The following PSIP1 variants were observed in gnomAD, a reference collection of about 807,000 sequenced individuals.
PSIP1 encodes PC4 and SFRS1-interacting protein.
PSIP1 carries 19 observed loss-of-function variants against 74.7 expected under a neutral mutation model. The observed-to-expected ratio is 0.25, with a 90% CI of 0.18 to 0.37. The LOEUF (loss-of-function observed/expected upper bound fraction) is 0.37, where lower values mean the gene tolerates loss of function less well. Ranked by LOEUF, PSIP1 falls within the 10% of genes least tolerant of loss-of-function variation. The pLI, the probability that PSIP1 is intolerant of heterozygous loss-of-function variation, is 1.00. For missense variants in PSIP1, 601 were observed against 614.3 expected (o/e 0.98, Z 0.23); for synonymous variants, 222 against 195.3 (o/e 1.14, Z -1.14).
intron 6 of PSIP1, among the ~76,000 whole-genome samples, chr9:15,480,607 T>C (rs1296684095): frequency 6.6e-6 from 1 of 152,208 alleles, no homozygotes; most frequent in Admixed American, 6.5e-5. Context: ...TGAATGAGTA[T>C]TGGCAATATA....
intron 2 of PSIP1, among the ~76,000 whole-genome samples, chr9:15,507,880 A>G (rs186913157): frequency 8.5e-5 from 13 of 152,236 alleles, no homozygotes; most frequent in East Asian, 7.7e-4. Flanking sequence ...TTACCACCCA[A>G]TATCTCTAGG....
Position 15,490,136 on chromosome 9 carries a change from G to T in PSIP1, c.150-12C>A. ...GTCCTAAAAAAGCACTAAAAAAGAAGTGGGGAAGATGTGAGTGCAAAGCAA... is the reference window on the plus strand; with the variant it reads ...GTCCTAAAAAAGCACTAAAAAAGAATTGGGGAAGATGTGAGTGCAAAGCAA... On this transcript the variant is annotated splice_polypyrimidine_tract_variant and intron_variant, in intron 3 of 15. Transcript: ENST00000380733. 1 of 1,570,366 alleles carries T rather than the reference G, an allele frequency of 6.4e-7. No homozygotes were observed. The highest frequency in any genetic ancestry group is 8.6e-7 in the Non-Finnish European group (1 of 1,163,462).
intron 8 of PSIP1, among the ~76,000 whole-genome samples, chr9:15,476,032 A>T (rs995096890): frequency 2.0e-5 from 3 of 152,104 alleles, no homozygotes; most frequent in Admixed American, 1.3e-4. Flanking sequence ...CGTGACAAAG[A>T]AGTAGACGCT....
intron 13 of PSIP1, 41 bp downstream of exon 13, chr9:15,468,916 T>TGA: frequency 1.2e-6 from 2 of 1,605,534 alleles, no homozygotes; most frequent in Non-Finnish European, 1.7e-6. Context: ...AATGAAGTAA[T>TGA]GACAAAATTC....
Position 15,485,989 on chromosome 9 carries a change from T to A in PSIP1, c.456+17A>T. On this transcript the variant is annotated intron_variant, in intron 6 of 15. Coordinates refer to ENST00000380733, the MANE Select transcript of PSIP1 (RefSeq NM_033222.5). ...ATTCTTTTCAGATCCCCATGGTTGG[T>A]AAGTCAGTGAAATTACCTTTCTCTT... The A allele has an allele frequency of 6.3e-7, 1 of 1,585,564 alleles. No individual in the cohort carries two copies. Among genetic ancestry groups the A allele is most frequent in the South Asian group, 1.1e-5 (1 of 89,668 alleles).
At chr9:15,490,902 A>G (rs1355642742) in intron 3 of PSIP1, among the ~76,000 whole-genome samples, 1 of 152,148 alleles carries the variant, frequency 6.6e-6, no homozygotes, top group African/African-American at 2.4e-5. Context: ...AGGGAATCAG[A>G]CATATTATAA....
At chr9:15,498,863 C>T (rs1204394402) in intron 3 of PSIP1, among the ~76,000 whole-genome samples, 1 of 151,858 alleles carries the variant, frequency 6.6e-6, no homozygotes, top group East Asian at 1.9e-4. Context: ...TAACTATATA[C>T]GACAGAAGCT....
At chr9:15,488,549 A>G (rs2036660519) in intron 4 of PSIP1, among the ~76,000 whole-genome samples, 1 of 152,190 alleles carries the variant, frequency 6.6e-6, no homozygotes, top group African/African-American at 2.4e-5. Context: ...TTAAATCGTA[A>G]GAGTTCTGGA....
chr9:15,482,405 A>T (rs967491928), intron 6 of PSIP1, among the ~76,000 whole-genome samples: 1 of 152,070 alleles, frequency 6.6e-6, no homozygotes, highest in Non-Finnish European at 1.5e-5. Flanking sequence ...TAATTTACTC[A>T]ATCTATTCTT....
intron 7 of PSIP1, among the ~76,000 whole-genome samples, chr9:15,478,776 CTTA>C (rs1263712508): frequency 1.3e-5 from 2 of 152,026 alleles, no homozygotes; most frequent in South Asian, 2.1e-4. Flanking sequence ...TCAATTTGTC[CTTA>C]TTATGACTGA....
At chr9:15,468,348 C>G (rs753804414) in intron 14 of PSIP1, 1 of 628,008 alleles carries the variant, frequency 1.6e-6, no homozygotes, top group South Asian at 1.4e-5. Flanking sequence ...GATTAGGAGG[C>G]ATTGTGATGG....
Position 15,469,363 on chromosome 9 carries a change from G to A in PSIP1, c.1034-27C>T, listed in dbSNP as rs759746541. The A allele has an allele frequency of 3.4e-6, 5 of 1,450,342 alleles. No individual in the cohort carries two copies. In the South Asian group the frequency reaches 6.2e-5, roughly 18 times the overall value. 89.8% of individuals were successfully genotyped at this position (1,450,342 alleles called of 1,614,324 possible). ...TACAAATTAAAATATGTGAAAAACA[G>A]TGAACAGTTTTTCCAAAACCAGTAT... On this transcript the variant is annotated intron_variant, in intron 11 of 15. Coordinates refer to ENST00000380733, the MANE Select transcript of PSIP1 (RefSeq NM_033222.5).
At chr9:15,510,767 G>A (rs2037833684) in intron 1 of PSIP1, 50 bp downstream of exon 1, 1 of 151,870 alleles carries the variant, frequency 6.6e-6, no homozygotes, top group Non-Finnish European at 1.5e-5. Flanking sequence ...CTACAGCCAG[G>A]AGCGACGCCA....
chr9:15,508,057 C>T (rs780002239), intron 2 of PSIP1, among the ~76,000 whole-genome samples: 3 of 152,188 alleles, frequency 2.0e-5, no homozygotes, highest in Non-Finnish European at 4.4e-5. Context: ...ATGCAAATAC[C>T]TAGCACCTAT....
At chr9:15,483,127 G>T (rs1365453508) in intron 6 of PSIP1, among the ~76,000 whole-genome samples, 1 of 151,934 alleles carries the variant, frequency 6.6e-6, no homozygotes, top group African/African-American at 2.4e-5. Flanking sequence ...GTTCTCCTTT[G>T]ACCTCATCTA....
chr9:15,501,522 C>G (rs1286659952), intron 3 of PSIP1, among the ~76,000 whole-genome samples: 1 of 151,860 alleles, frequency 6.6e-6, no homozygotes, highest in African/African-American at 2.4e-5. Flanking sequence ...AAACAAAAGA[C>G]CTGAGATAAG....
In PSIP1 at chr9:15,465,564, T is replaced by C; in HGVS notation, c.1549A>G (p.Arg517Gly). The change falls in exon 16 of 16, where the codon AGA (arginine) becomes GGA (glycine). Residue 517 changes from arginine (R) to glycine (G), a missense_variant. By Grantham distance (125) the Arg-to-Gly change is moderately radical (BLOSUM62 -2). This residue lies in a region of PSIP1 where 538 missense variants were observed against 507.6 expected (regional missense o/e 1.06). Transcript: ENST00000380733. Reference sequence around the variant, plus strand: ...TCCTTCAGAGATATTTCAGTCTCTCTCTCTTCACTGGATGGCCTGAAGAAA... The same window carrying C: ...TCCTTCAGAGATATTTCAGTCTCTCCCTCTTCACTGGATGGCCTGAAGAAA... ...STKKKPSSEE[R>G]ETEISLKDST... The C allele has an allele frequency of 2.5e-6, 4 of 1,585,908 alleles. No individual in the cohort carries two copies. Among genetic ancestry groups the C allele is most frequent in the Non-Finnish European group, 3.5e-6 (4 of 1,157,674 alleles).
chr9:15,493,929 A>G (rs528982675), intron 3 of PSIP1, among the ~76,000 whole-genome samples: 65 of 152,306 alleles, frequency 4.3e-4, no homozygotes, highest in African/African-American at 1.5e-3. Context: ...CTGTACATAT[A>G]TATTTAGATA....
chr9:15,504,560 AC>A (rs1312228709), intron 3 of PSIP1, among the ~76,000 whole-genome samples: 6 of 152,022 alleles, frequency 3.9e-5, no homozygotes, highest in Non-Finnish European at 7.4e-5. Flanking sequence ...ACACGGTGAA[AC>A]CCCATCTCTA....
Sources: gnomAD v4.1 joint callset for allele counts (sites outside exome capture counted in the v4.1 genomes callset) on GRCh38, gnomAD v4.1.1 for gene constraint, gnomAD v4.1.1 regional missense constraint, MANE v1.5 for transcripts, NCBI Gene and HGNC (gene_info 2026-07-23, HGNC 2026-07-21) for gene names.